Variants in BRI3BP observed in about 807,000 individuals in gnomAD.
The protein encoded by BRI3BP is BRI3-binding protein.
In BRI3BP, 7 loss-of-function variants were observed where a neutral mutation model predicts 15.8. That is an observed-to-expected ratio of 0.44 (90% CI 0.25 to 0.83). The LOEUF (loss-of-function observed/expected upper bound fraction) is 0.83, where lower values mean the gene tolerates loss of function less well. Ranked by LOEUF, BRI3BP falls within the 40% of genes least tolerant of loss-of-function variation. The pLI, the probability that BRI3BP is intolerant of heterozygous loss-of-function variation, is 0.20. For missense variants in BRI3BP, 320 were observed against 339.3 expected (o/e 0.94, Z 0.45); for synonymous variants, 192 against 163.5 (o/e 1.17, Z -1.33).
chr12:125,043,805 A>C, the BRI3BP span, among the ~76,000 whole-genome samples: 1 of 152,158 alleles, frequency 6.6e-6, no homozygotes. Flanking sequence ...GCAATGAGCC[A>C]AGATCGCAAC....
At chr12:125,014,798 TC>T (rs1207382534) in intron 2 of BRI3BP, among the ~76,000 whole-genome samples, 1 of 152,116 alleles carries the variant, frequency 6.6e-6, no homozygotes, top group Non-Finnish European at 1.5e-5. Flanking sequence ...GTTTAGGATC[TC>T]ACTCTGTTGC....
chr12:125,027,390 C>T lies in BRI3BP; in HGVS notation c.*1960C>T, dbSNP rs537892879. ...GATATTTAAGATTTGCTGGAGCAGGCTGGGCAGGGTGGCTCACCCCTATAA... is the reference window on the plus strand; with the variant it reads ...GATATTTAAGATTTGCTGGAGCAGGTTGGGCAGGGTGGCTCACCCCTATAA... On this transcript the variant is annotated 3_prime_UTR_variant, in exon 3 of 3. Transcript: ENST00000341446. The T allele has an allele frequency of 2.0e-5, 3 of 152,248 alleles. No homozygotes were observed. Among genetic ancestry groups the T allele is most frequent in the Admixed American group, 6.5e-5 (1 of 15,278 alleles). 9.4% of individuals were successfully genotyped at this position (152,248 alleles called of 1,614,324 possible).
intron 1 of BRI3BP, among the ~76,000 whole-genome samples, chr12:125,001,089 C>G (rs544516158): frequency 7.4e-6 from 1 of 134,430 alleles, no homozygotes; most frequent in East Asian, 2.1e-4. Flanking sequence ...GAGTCTTGCT[C>G]TGTCACCCAG....
intron 2 of BRI3BP, among the ~76,000 whole-genome samples, chr12:125,015,818 A>G (rs905209717): frequency 2.6e-5 from 4 of 152,336 alleles, no homozygotes; most frequent in Non-Finnish European, 5.9e-5. Flanking sequence ...GACACTGTGC[A>G]CCTGGCAGCC....
At chr12:125,014,098 A>T (rs1327997484) in intron 2 of BRI3BP, among the ~76,000 whole-genome samples, 1 of 152,126 alleles carries the variant, frequency 6.6e-6, no homozygotes. Flanking sequence ...AGAGCTTCAG[A>T]GGCATCCCAT....
At chr12:125,041,146 T>C in the BRI3BP span, among the ~76,000 whole-genome samples, 5 of 151,898 alleles carry the variant, frequency 3.3e-5, no homozygotes, top group Admixed American at 1.3e-4. Flanking sequence ...CTCGGGTTCA[T>C]GCCATTCTCC....
chr12:125,039,808 G>A, the BRI3BP span, among the ~76,000 whole-genome samples: 2 of 152,090 alleles, frequency 1.3e-5, no homozygotes, highest in Admixed American at 6.6e-5. Flanking sequence ...TTAATAACAG[G>A]TTATTTATAT....
Position 124,993,944 on chromosome 12 carries a change from A to G in BRI3BP, c.154A>G (p.Thr52Ala). The G allele has an allele frequency of 7.3e-7, 1 of 1,366,484 alleles. No individual in the cohort carries two copies. The highest frequency in any genetic ancestry group is 9.6e-7 in the Non-Finnish European group (1 of 1,046,786). The allele number at this position is 1,366,484 out of a possible 1,614,324, so 84.6% of individuals were successfully genotyped here. The change falls in exon 1 of 3, where the codon ACC (threonine) becomes GCC (alanine). Residue 52 changes from threonine (T) to alanine (A), a missense_variant. By Grantham distance (58) the Thr-to-Ala change is moderately conservative (BLOSUM62 0). Coordinates refer to ENST00000341446, the MANE Select transcript of BRI3BP (RefSeq NM_080626.6). ...GAACAGCTACCGCCGCACGGTCAAC[A>G]CCTTCTCCCAGAGCGTCAGCAGCCT... ...EKNSYRRTVN[T>A]FSQSVSSLFG...
rs1307195531 is a variant in BRI3BP, at chr12:125,027,903, G to A, written c.*2473G>A. The A allele has an allele frequency of 5.3e-5, 8 of 152,034 alleles. No individual in the cohort carries two copies. The highest frequency in any genetic ancestry group is 7.4e-5 in the Non-Finnish European group (5 of 68,000). 9.4% of individuals were successfully genotyped at this position (152,034 alleles called of 1,614,324 possible). A position where few individuals can be genotyped will look rare whatever the true frequency, so the allele number is the denominator to read the frequency against. On this transcript the variant is annotated 3_prime_UTR_variant, in exon 3 of 3. Transcript: ENST00000341446. Reference sequence around the variant, plus strand: ...GGGGTTTCACCGTGTTAGCCAGGATGGTCTCGATCTCCTGACCTCGTGATC... The same window carrying A: ...GGGGTTTCACCGTGTTAGCCAGGATAGTCTCGATCTCCTGACCTCGTGATC...
chr12:125,050,677 T>C, the BRI3BP span, among the ~76,000 whole-genome samples: 2 of 152,176 alleles, frequency 1.3e-5, no homozygotes, highest in African/African-American at 4.8e-5. Flanking sequence ...TGGAGGCACA[T>C]AAAGGGCTTC....
chr12:125,042,660 G>A, the BRI3BP span, among the ~76,000 whole-genome samples: 4 of 151,712 alleles, frequency 2.6e-5, no homozygotes, highest in African/African-American at 7.3e-5. Flanking sequence ...TCAGCCTCCC[G>A]AGTAGCTGGG....
In BRI3BP at chr12:125,009,032, A is replaced by G. The variant is rs890351981; in HGVS notation, c.214-3502A>G. 4.6e-5 allele frequency among the ~76,000 whole-genome samples: 7 copies of G among 151,690 alleles called. No homozygotes were observed. In the East Asian group the frequency reaches 5.8e-4, roughly 13 times the overall value. ...GCTCTGTTGCCCAGGTTGGAGTGCA[A>G]TGGCGTGATCTTGACTCAGTGTAAC... is the stretch of plus-strand genomic sequence containing the variant. On this transcript the variant is annotated intron_variant, in intron 1 of 2. Transcript: ENST00000341446.
chr12:125,033,880 T>C (rs896409072), downstream of BRI3BP, among the ~76,000 whole-genome samples: 3 of 151,994 alleles, frequency 2.0e-5, no homozygotes, highest in Non-Finnish European at 4.4e-5. Flanking sequence ...GTAGTTGAGA[T>C]TACAGGCGCA....
intron 2 of BRI3BP, among the ~76,000 whole-genome samples, chr12:125,016,015 G>A (rs1332421731): frequency 6.6e-6 from 1 of 152,132 alleles, no homozygotes; most frequent in Non-Finnish European, 1.5e-5. Context: ...AAAATCGCAC[G>A]CAGCTTGGAA....
the BRI3BP span, among the ~76,000 whole-genome samples, chr12:125,039,180 A>T: frequency 1.2e-4 from 19 of 152,360 alleles, no homozygotes; most frequent in African/African-American, 4.6e-4. Flanking sequence ...CTAATAAGGA[A>T]TCATGGAAGT....
chr12:125,032,881 TC>T (rs1213941596), downstream of BRI3BP, among the ~76,000 whole-genome samples: 2 of 152,154 alleles, frequency 1.3e-5, no homozygotes, highest in Non-Finnish European at 2.9e-5. Context: ...AAGAGGAATG[TC>T]AAGTACAAGA....
chr12:125,014,480 G>A (rs191130429), intron 2 of BRI3BP, among the ~76,000 whole-genome samples: 10 of 152,336 alleles, frequency 6.6e-5, no homozygotes, highest in African/African-American at 2.4e-4. Flanking sequence ...AAAGGGAAAA[G>A]GTGCGCGAAT....
the BRI3BP span, among the ~76,000 whole-genome samples, chr12:125,042,327 A>G: frequency 1.3e-5 from 2 of 152,124 alleles, no homozygotes; most frequent in Non-Finnish European, 2.9e-5. Flanking sequence ...GTTGTGATCA[A>G]CAGCTGCTCT....
chr12:124,994,255 G>T (rs750359530), intron 1 of BRI3BP, among the ~76,000 whole-genome samples: 2 of 151,954 alleles, frequency 1.3e-5, no homozygotes, highest in Non-Finnish European at 2.9e-5. Flanking sequence ...TTGCCTCCGC[G>T]GTCGGCGCAG....
Sources: gnomAD v4.1 joint callset for allele counts (sites outside exome capture counted in the v4.1 genomes callset) on GRCh38, gnomAD v4.1.1 for gene constraint, MANE v1.5 for transcripts, NCBI Gene and HGNC (gene_info 2026-07-23, HGNC 2026-07-21) for gene names.